Variants in NLRP13 observed in about 807,000 individuals in gnomAD.
NLRP13 encodes the protein NACHT, LRR and PYD domains-containing protein 13.
A neutral mutation model predicts 94.4 loss-of-function variants in NLRP13; 82 were observed. That is an observed-to-expected ratio of 0.87 (90% CI 0.73 to 1.04). NLRP13 has a LOEUF of 1.04. NLRP13 is among the 50% of genes least tolerant of loss of function. NLRP13 has a pLI of 0.00. For missense variants in NLRP13, 1,426 were observed against 1,230.8 expected, an observed-to-expected ratio of 1.16 and a Z score of -2.37; for synonymous variants, 553 against 464.7, an observed-to-expected ratio of 1.19 and a Z score of -2.45.
downstream of NLRP13, chr19:55,895,900 A>G: frequency 6.3e-7 from 1 of 1,591,588 alleles, no homozygotes; most frequent in East Asian, 2.2e-5. Flanking sequence ...TAGTCAATCT[A>G]GCCTTGTCCC....
chr19:55,896,496 T>TG (rs1986013639), intron 10 of NLRP13, among the ~76,000 whole-genome samples: 1 of 121,312 alleles, frequency 8.2e-6, no homozygotes, highest in African/African-American at 3.3e-5. Context: ...CACTCCAGCC[T>TG]GGCGACAGCA....
At chr19:55,904,423 G>A (rs543824906) in intron 8 of NLRP13, among the ~76,000 whole-genome samples, 2 of 151,924 alleles carry the variant, frequency 1.3e-5, no homozygotes, top group African/African-American at 2.4e-5. Context: ...TTCCTTCTCC[G>A]CATACGGCTG....
intron 4 of NLRP13, among the ~76,000 whole-genome samples, chr19:55,914,168 C>T (rs1986620922): frequency 6.6e-6 from 1 of 152,204 alleles, no homozygotes; most frequent in African/African-American, 2.4e-5. Context: ...AAAATGACTA[C>T]TGTGGGGCCA....
At chr19:55,898,200 G>GTTTTTTTT (rs149121317) in intron 10 of NLRP13, among the ~76,000 whole-genome samples, 2 of 135,566 alleles carry the variant, frequency 1.5e-5, no homozygotes, top group African/African-American at 2.7e-5. Context: ...GAGAGTTTTT[G>GTTTTTTTT]TTTTTGTTTT....
chr19:55,910,430 C>T, intron 6 of NLRP13, 133 bp downstream of exon 6: 2 of 823,062 alleles, frequency 2.4e-6, no homozygotes, highest in Non-Finnish European at 1.8e-6. Flanking sequence ...TTCATAAATA[C>T]AAGCACAGTT....
chr19:55,918,841 T>C (rs1171429253), intron 4 of NLRP13, among the ~76,000 whole-genome samples: 1 of 151,956 alleles, frequency 6.6e-6, no homozygotes, highest in Non-Finnish European at 1.5e-5. Flanking sequence ...CAGAAAAAGA[T>C]GTTGGAGAGG....
chr19:55,929,256 C>T (rs1301849481), intron 1 of NLRP13, among the ~76,000 whole-genome samples: 1 of 152,054 alleles, frequency 6.6e-6, no homozygotes, highest in Non-Finnish European at 1.5e-5. Flanking sequence ...ACCATTTGAC[C>T]CAGCAATCCC....
chr19:55,893,210 G>T (rs1004259843), downstream of NLRP13, among the ~76,000 whole-genome samples: 1 of 152,070 alleles, frequency 6.6e-6, no homozygotes, highest in African/African-American at 2.4e-5. Flanking sequence ...CCAACATGGA[G>T]AAACCCCATC....
chr19:55,904,752 G>C (rs910630129), intron 8 of NLRP13, among the ~76,000 whole-genome samples, 190 bp downstream of exon 8: 1 of 152,132 alleles, frequency 6.6e-6, no homozygotes, highest in African/African-American at 2.4e-5. Context: ...CTTGGCAAAA[G>C]CTCCAGAGAC....
At chr19:55,900,289 G>C (rs1425673394) in intron 9 of NLRP13, among the ~76,000 whole-genome samples, 2 of 152,090 alleles carry the variant, frequency 1.3e-5, no homozygotes, top group East Asian at 1.9e-4. Context: ...TTTTAATCTG[G>C]AAGTTTTTAT....
Position 55,895,955 on chromosome 19 carries a change from T to G in NLRP13, c.3122A>C (p.Lys1041Thr). The G allele has an allele frequency of 1.2e-6, 2 of 1,613,934 alleles. No homozygotes were observed. Among genetic ancestry groups the G allele is most frequent in the Non-Finnish European group, 1.7e-6 (2 of 1,179,866 alleles). ...AAAAGTCAGTGAGGTTTACCCGAGT[T>G]TCTGCAGCCTGCATGTCGACTTTTT... Reference protein sequence around the residue: ...ALKKSTCRLQKLG With the variant: ...ALKKSTCRLQTLG Residue 1041 changes from lysine to threonine, a missense_variant, in exon 11 of 11, where the codon AAA (lysine) becomes ACA (threonine). Transcript: ENST00000342929.
rs1436079 is a variant in NLRP13, at chr19:55,911,610, A to C, written c.2111+96T>G. ...TTTGGTCGGAAATAAGCACGAATAC[A>C]TAACGACAACACATCCCTGGTTTTG... is the stretch of plus-strand genomic sequence containing the variant. On this transcript the variant is annotated intron_variant, in intron 5 of 10. Coordinates refer to ENST00000342929, the MANE Select transcript of NLRP13 (RefSeq NM_176810.2). The C allele has an allele frequency of 4.8e-4, 582 of 1,203,932 alleles. 9 individuals are homozygous for C. In the South Asian group the frequency reaches 8.2e-3, roughly 17 times the overall value. The allele number at this position is 1,203,932 out of a possible 1,614,324, so 74.6% of individuals were successfully genotyped here.
chr19:55,919,960 C>A (rs561699708), intron 4 of NLRP13, among the ~76,000 whole-genome samples: 3 of 152,224 alleles, frequency 2.0e-5, no homozygotes, highest in African/African-American at 7.2e-5. Flanking sequence ...AACAAAACAG[C>A]ATGGTACTAG....
chr19:55,898,115 A>G (rs920073971), intron 10 of NLRP13, among the ~76,000 whole-genome samples: 2 of 152,042 alleles, frequency 1.3e-5, no homozygotes, highest in African/African-American at 4.8e-5. Flanking sequence ...AATATTTTCA[A>G]TGTACCAAGG....
chr19:55,924,556 A>C (rs1332947212), intron 3 of NLRP13, 34 bp downstream of exon 3: 1 of 1,497,532 alleles, frequency 6.7e-7, no homozygotes, highest in African/African-American at 1.4e-5. Context: ...TCCATCAAGC[A>C]ACCTGTCAAT....
rs377043113 is a variant in NLRP13, at chr19:55,904,896, T to G, written c.2618+46A>C. ...TGAAGAAACCATTGTTCTAGATATC[T>G]GTGCCCATAGAGTCATATCTAGAAA... On this transcript the variant is annotated intron_variant, in intron 8 of 10. Coordinates refer to ENST00000342929, the MANE Select transcript of NLRP13 (RefSeq NM_176810.2). 4.7e-6 allele frequency: 7 copies of G among 1,502,140 alleles called. No individual in the cohort carries two copies. The African/African-American group carries it at 8.3e-5, about 18-fold the overall frequency. 93.1% of individuals were successfully genotyped at this position (1,502,140 alleles called of 1,614,324 possible).
In NLRP13 at chr19:55,901,512, T is replaced by C. The variant is rs189437972; in HGVS notation, c.2789+523A>G. Among the ~76,000 whole-genome samples, 366 of 152,202 alleles carry C rather than the reference T, an allele frequency of 2.4e-3. 1 individual carries two copies. The highest frequency in any genetic ancestry group is 8.0e-3 in the African/African-American group (333 of 41,518). On this transcript the variant is annotated intron_variant, in intron 9 of 10. Coordinates refer to ENST00000342929, the MANE Select transcript of NLRP13 (RefSeq NM_176810.2). ...GGAAAGGAAGGTGAGCTAATACTGA[T>C]AAGCCACTGGTGCTGTTAGCATGCC...
At chr19:55,894,134 G>A (rs1985935926), downstream of NLRP13, among the ~76,000 whole-genome samples, 1 of 145,018 alleles carries the variant, frequency 6.9e-6, no homozygotes, top group Non-Finnish European at 1.5e-5. Context: ...TCAAACTCCT[G>A]GGTTCAGGCA....
intron 4 of NLRP13, among the ~76,000 whole-genome samples, chr19:55,922,658 A>G (rs1043815754): frequency 6.6e-6 from 1 of 152,210 alleles, no homozygotes; most frequent in African/African-American, 2.4e-5. Context: ...TTGTCATACA[A>G]TTGGTTAACA....
Sources: allele counts gnomAD v4.1 joint callset (sites outside exome capture counted in the v4.1 genomes callset), GRCh38; gene constraint gnomAD v4.1.1; transcripts MANE v1.5; gene names NCBI Gene and HGNC (gene_info 2026-07-23, HGNC 2026-07-21).